ARHGAP39: variants seen among roughly 807,000 people sequenced by gnomAD.
The protein encoded by ARHGAP39 is rho GTPase-activating protein 39.
Under a neutral mutation model 106.9 loss-of-function variants are expected in ARHGAP39, and 44 were observed. The ratio of observed to expected loss-of-function variants is 0.41; its 90% confidence interval spans 0.32 to 0.53. The LOEUF is 0.53. Among genes scored for constraint, ARHGAP39 ranks in the 20% least tolerant of loss-of-function variants. The pLI is 0.21. For synonymous variants in ARHGAP39, 768 were observed against 693.2 expected, an observed-to-expected ratio of 1.11 and a Z score of -1.69; for missense variants, 1,496 against 1,577.3, an observed-to-expected ratio of 0.95 and a Z score of 0.87.
rs1456572105 is a variant in ARHGAP39, at chr8:144,647,984, T to C, written c.-82+37702A>G. Among the ~76,000 whole-genome samples the C allele has an allele frequency of 6.6e-6, 1 of 151,378 alleles. No homozygotes were observed. The highest frequency in any genetic ancestry group is 1.5e-5 in the Non-Finnish European group (1 of 67,842). On this transcript the variant is annotated intron_variant, in intron 1 of 11. Coordinates refer to ENST00000377307, the MANE Select transcript of ARHGAP39 (RefSeq NM_025251.3). The surrounding 1 kb of genome is among the most constrained non-coding windows in gnomAD (Gnocchi z 4.8). ...ACAATTTCTACAAAATGGTGGAGAG[T>C]CTAATTCTCCTTCCTCTAGCATAGG...
intron 7 of ARHGAP39, among the ~76,000 whole-genome samples, chr8:144,534,446 C>T (rs968111904): frequency 1.3e-5 from 2 of 152,228 alleles, no homozygotes; most frequent in African/African-American, 4.8e-5. Context: ...GGCAGCTCCA[C>T]CTGCCCTCCT....
rs951868383 is a variant in ARHGAP39 at position 144,679,747 on chromosome 8, A to G, written c.-82+5939T>C. ...TGTAATCCCAGCACTTTGGGAGGCC[A>G]AGGCGGGCGGATCACGAGGTCAGGA... On this transcript the variant is annotated intron_variant, in intron 1 of 11. Coordinates refer to ENST00000377307, the MANE Select transcript of ARHGAP39 (RefSeq NM_025251.3). The surrounding 1 kb of genome is among the most constrained non-coding windows in gnomAD (Gnocchi z 4.7). Among the ~76,000 whole-genome samples, 1 of 152,192 alleles carries G rather than the reference A, an allele frequency of 6.6e-6. No homozygotes were observed. Among genetic ancestry groups the G allele is most frequent in the East Asian group, 1.9e-4 (1 of 5,196 alleles).
chr8:144,689,335 A>G (rs1822697229), upstream of ARHGAP39, among the ~76,000 whole-genome samples: 1 of 150,134 alleles, frequency 6.7e-6, no homozygotes, highest in African/African-American at 2.5e-5. Flanking sequence ...CTGCGTTCTC[A>G]CTAACACCTG....
the ARHGAP39 span, among the ~76,000 whole-genome samples, chr8:144,693,951 G>A: frequency 6.6e-6 from 1 of 152,174 alleles, no homozygotes; most frequent in Non-Finnish European, 1.5e-5. Flanking sequence ...CTGCAGAGAG[G>A]AGGTCTTTGT....
At chr8:144,695,676 G>A in the ARHGAP39 span, among the ~76,000 whole-genome samples, 1 of 151,974 alleles carries the variant, frequency 6.6e-6, no homozygotes, top group East Asian at 1.9e-4. Context: ...AGGGGAGGGG[G>A]GTCTAGTTAA....
At chr8:144,696,394 C>A in the ARHGAP39 span, among the ~76,000 whole-genome samples, 2 of 152,202 alleles carry the variant, frequency 1.3e-5, no homozygotes, top group African/African-American at 4.8e-5. Flanking sequence ...CCGCCTTGGC[C>A]TCCCAAAGTG....
At position 144,641,396 on chromosome 8, in the gene ARHGAP39, G is replaced by C. The variant is rs1002949223; in HGVS notation, c.-81-35701C>G. On this transcript the variant is annotated intron_variant, in intron 1 of 11. Transcript: ENST00000377307. The surrounding 1 kb of genome is among the most constrained non-coding windows in gnomAD (Gnocchi z 5.2). The stretch of plus-strand genomic sequence containing the variant: ...CATGGAGATGCAGACGCAGGCAGAT[G>C]ATGGGCTGGTAAAGCGAAGCTGACC... Among the ~76,000 whole-genome samples, 2 of 152,108 alleles carry C rather than the reference G, an allele frequency of 1.3e-5. No homozygotes were observed. Among genetic ancestry groups the C allele is most frequent in the Non-Finnish European group, 2.9e-5 (2 of 68,022 alleles).
At chr8:144,569,424 T>C (rs1171410997) in intron 3 of ARHGAP39, among the ~76,000 whole-genome samples, 3 of 152,166 alleles carry the variant, frequency 2.0e-5, no homozygotes, top group South Asian at 2.1e-4. Context: ...AGGCGGTACA[T>C]CCATACAATG....
chr8:144,601,798 T>C (rs1375112385), intron 2 of ARHGAP39, among the ~76,000 whole-genome samples: 2 of 142,428 alleles, frequency 1.4e-5, no homozygotes, highest in African/African-American at 2.7e-5. Flanking sequence ...TGTGCTAATG[T>C]ACCTGTGTGT....
At chr8:144,537,848 C>G (rs772516570) in intron 6 of ARHGAP39, 35 bp from the exon 7 acceptor site, 24 of 1,598,422 alleles carry the variant, frequency 1.5e-5, no homozygotes, top group Non-Finnish European at 2.0e-5. Flanking sequence ...CACGACAGAA[C>G]AAAACGCCAG....
At chr8:144,581,752 C>T (rs1333594697) in intron 2 of ARHGAP39, among the ~76,000 whole-genome samples, 1 of 152,226 alleles carries the variant, frequency 6.6e-6, no homozygotes, top group East Asian at 1.9e-4. Context: ...AAGCTGTGTT[C>T]TCCCAAGGAT....
At chr8:144,683,247 A>G (rs181288858) in intron 1 of ARHGAP39, 2,422 of 151,312 alleles carry the variant, frequency 0.016, 31 homozygotes, top group Middle Eastern at 0.068. Flanking sequence ...CCCAGGAGGC[A>G]GAGCTTGCAG....
At chr8:144,567,869 C>G (rs1437621690) in intron 3 of ARHGAP39, among the ~76,000 whole-genome samples, 1 of 152,174 alleles carries the variant, frequency 6.6e-6, no homozygotes, top group African/African-American at 2.4e-5. Context: ...TATCCTGCCC[C>G]TTTGTCTTGT....
chr8:144,635,714 T>A (rs1821156889), intron 1 of ARHGAP39, among the ~76,000 whole-genome samples: 2 of 151,986 alleles, frequency 1.3e-5, no homozygotes, highest in Admixed American at 1.3e-4. Context: ...GTAGACAGTG[T>A]GGAGACTGAA....
chr8:144,564,930 G>T, intron 3 of ARHGAP39, among the ~76,000 whole-genome samples: 1 of 152,026 alleles, frequency 6.6e-6, no homozygotes, highest in East Asian at 1.9e-4. Flanking sequence ...CCAATATGAT[G>T]AAGCCCTGTC....
At chr8:144,606,077 A>T (rs930176758) in intron 1 of ARHGAP39, among the ~76,000 whole-genome samples, 1 of 152,150 alleles carries the variant, frequency 6.6e-6, no homozygotes, top group Non-Finnish European at 1.5e-5. Context: ...CTCCGCCCTC[A>T]CTCTCAGCCC....
chr8:144,616,593 C>T (rs377230201), intron 1 of ARHGAP39, among the ~76,000 whole-genome samples: 243 of 152,310 alleles, frequency 1.6e-3, no homozygotes, highest in African/African-American at 5.3e-3. Flanking sequence ...GTGTTGCTGA[C>T]TCTGAGCCAC....
chr8:144,576,635 G>A (rs1818788547), intron 3 of ARHGAP39, among the ~76,000 whole-genome samples: 1 of 152,180 alleles, frequency 6.6e-6, no homozygotes, highest in Admixed American at 6.5e-5. Flanking sequence ...GAGTCAAAAC[G>A]AATAACAAAT....
intron 2 of ARHGAP39, among the ~76,000 whole-genome samples, chr8:144,587,972 C>A (rs1479980548): frequency 6.6e-6 from 1 of 152,202 alleles, no homozygotes; most frequent in African/African-American, 2.4e-5. Context: ...AGATCAGCCT[C>A]CAGTCTCTGA....
Sources: allele counts gnomAD v4.1 joint callset (sites outside exome capture counted in the v4.1 genomes callset), GRCh38; gene constraint gnomAD v4.1.1; non-coding constraint Gnocchi (gnomAD v3.1); transcripts MANE v1.5; gene names NCBI Gene and HGNC (gene_info 2026-07-23, HGNC 2026-07-21).